The following SLC9A9 variants were observed in gnomAD, a reference collection of about 807,000 sequenced individuals.
SLC9A9 encodes solute carrier family 9 member A9.
SLC9A9 carries 62 observed loss-of-function variants against 77.8 expected under a neutral mutation model. That is an observed-to-expected ratio of 0.80 (90% CI 0.65 to 0.98). The LOEUF (loss-of-function observed/expected upper bound fraction) is 0.98. SLC9A9 is among the 50% of genes least tolerant of loss of function. The pLI, the probability that SLC9A9 is intolerant of heterozygous loss-of-function variation, is 0.00. For synonymous variants in SLC9A9, 320 were observed against 283.5 expected, an observed-to-expected ratio of 1.13 and a Z score of -1.29; for missense variants, 775 against 774.9, an observed-to-expected ratio of 1.00 and a Z score of 0.00.
chr3:143,482,789 CT>C (rs1330782231), intron 11 of SLC9A9, among the ~76,000 whole-genome samples: 1 of 152,250 alleles, frequency 6.6e-6, no homozygotes, highest in African/African-American at 2.4e-5. Flanking sequence ...AACAGGAAAG[CT>C]AATTTGTGCA....
chr3:143,590,116 C>T (rs962547658), intron 6 of SLC9A9, among the ~76,000 whole-genome samples: 2 of 152,090 alleles, frequency 1.3e-5, no homozygotes, highest in Admixed American at 6.5e-5. Context: ...GCATTCATAC[C>T]AACACCAACT....
chr3:143,289,644 G>A lies in SLC9A9; in HGVS notation c.1605-20664C>T, dbSNP rs574329759. Among the ~76,000 whole-genome samples, 3 of 152,152 alleles carry A rather than the reference G, an allele frequency of 2.0e-5. No homozygotes were observed. In the South Asian group the frequency reaches 6.2e-4, roughly 32 times the overall value. On this transcript the variant is annotated intron_variant, in intron 14 of 15. Transcript: ENST00000316549. ...TCAATAAGTTCTGTCTACTCCACCT[G>A]CCAAAGACCTCCCCTATCCATCTAC... is the stretch of plus-strand genomic sequence containing the variant.
chr3:143,335,214 C>A (rs905420928), intron 14 of SLC9A9, among the ~76,000 whole-genome samples: 1 of 152,004 alleles, frequency 6.6e-6, no homozygotes, highest in African/African-American at 2.4e-5. Flanking sequence ...CATAAAGAAT[C>A]AAATACTTAG....
At chr3:143,491,139 A>G (rs751342016) in intron 11 of SLC9A9, among the ~76,000 whole-genome samples, 5 of 152,194 alleles carry the variant, frequency 3.3e-5, no homozygotes, top group Non-Finnish European at 7.3e-5. Flanking sequence ...ATGGATGCTC[A>G]GTATGGAAAA....
chr3:143,717,329 G>A (rs775899477), intron 4 of SLC9A9, among the ~76,000 whole-genome samples: 1 of 152,164 alleles, frequency 6.6e-6, no homozygotes, highest in South Asian at 2.1e-4. Flanking sequence ...TAAGGTCAAG[G>A]TCATTTCCTA....
chr3:143,605,014 C>T (rs950613637), intron 6 of SLC9A9, among the ~76,000 whole-genome samples: 3 of 152,180 alleles, frequency 2.0e-5, no homozygotes, highest in Non-Finnish European at 4.4e-5. Flanking sequence ...AATGCACCAA[C>T]ATGAAGCAGA....
chr3:143,724,781 G>C (rs1200340899), intron 4 of SLC9A9, among the ~76,000 whole-genome samples: 1 of 152,208 alleles, frequency 6.6e-6, no homozygotes, highest in Non-Finnish European at 1.5e-5. Flanking sequence ...AGAGAAGTCA[G>C]ACATTTTACC....
chr3:143,547,896 C>A (rs565555218), intron 9 of SLC9A9, among the ~76,000 whole-genome samples: 26 of 152,196 alleles, frequency 1.7e-4, no homozygotes, highest in Non-Finnish European at 3.5e-4. Flanking sequence ...AGTTCCTCAA[C>A]TAGAAATTCT....
intron 9 of SLC9A9, among the ~76,000 whole-genome samples, chr3:143,535,827 T>C (rs2036581557): frequency 6.6e-6 from 1 of 152,202 alleles, no homozygotes; most frequent in Non-Finnish European, 1.5e-5. Flanking sequence ...TACACAGTCC[T>C]GAACATTATC....
chr3:143,326,392 C>T (rs867288106), intron 14 of SLC9A9, among the ~76,000 whole-genome samples: 1 of 152,176 alleles, frequency 6.6e-6, no homozygotes, highest in South Asian at 2.1e-4. Flanking sequence ...CTTAACTTTG[C>T]CTGCCGGCCC....
intron 6 of SLC9A9, among the ~76,000 whole-genome samples, chr3:143,649,235 G>A (rs996316011): frequency 7.9e-5 from 12 of 152,078 alleles, no homozygotes; most frequent in Non-Finnish European, 5.9e-5. Flanking sequence ...TCCTTCAATA[G>A]CCTATTAAAT....
At chr3:143,688,556 A>G (rs1476221671) in intron 5 of SLC9A9, among the ~76,000 whole-genome samples, 1 of 152,070 alleles carries the variant, frequency 6.6e-6, no homozygotes, top group African/African-American at 2.4e-5. Flanking sequence ...CTGAAAATTT[A>G]TACTCTTGAG....
intron 5 of SLC9A9, among the ~76,000 whole-genome samples, chr3:143,675,463 A>G (rs2108768609): frequency 6.6e-6 from 1 of 152,366 alleles, no homozygotes; most frequent in South Asian, 2.1e-4. Flanking sequence ...TCTAAATTCA[A>G]TTAACATGAG....
intron 14 of SLC9A9, among the ~76,000 whole-genome samples, chr3:143,361,398 G>T (rs1182333705): frequency 6.6e-6 from 1 of 152,110 alleles, no homozygotes; most frequent in Non-Finnish European, 1.5e-5. Context: ...CACTGGTGGT[G>T]GCTGGCATAG....
At chr3:143,620,725 T>G (rs1156260123) in intron 6 of SLC9A9, 1 of 152,674 alleles carries the variant, frequency 6.5e-6, no homozygotes, top group African/African-American at 2.4e-5. Flanking sequence ...CATTTCCAAC[T>G]GAGGTACTGG....
intron 4 of SLC9A9, among the ~76,000 whole-genome samples, chr3:143,735,613 GA>G: frequency 6.6e-6 from 1 of 152,322 alleles, no homozygotes; most frequent in Non-Finnish European, 1.5e-5. Flanking sequence ...AAGCTAGAAG[GA>G]AAATAGGATT....
intron 4 of SLC9A9, among the ~76,000 whole-genome samples, chr3:143,745,917 T>G (rs530538285): frequency 6.6e-6 from 1 of 152,314 alleles, no homozygotes; most frequent in South Asian, 2.1e-4. Flanking sequence ...AGGGGGATAC[T>G]GGAGCAGCAA....
At chr3:143,627,532 G>A (rs997915613) in intron 6 of SLC9A9, 6 of 296,864 alleles carry the variant, frequency 2.0e-5, no homozygotes, top group Admixed American at 3.6e-5. Context: ...CAGAGGCGGT[G>A]ACTCGCAGCA....
At chr3:143,446,400 G>A (rs560743873) in intron 12 of SLC9A9, among the ~76,000 whole-genome samples, 3 of 152,226 alleles carry the variant, frequency 2.0e-5, no homozygotes, top group South Asian at 2.1e-4. Flanking sequence ...AGAAGGCTGG[G>A]GAAGGGGTTA....
Sources: allele counts gnomAD v4.1 joint callset (sites outside exome capture counted in the v4.1 genomes callset), GRCh38; gene constraint gnomAD v4.1.1; transcripts MANE v1.5; gene names NCBI Gene and HGNC (gene_info 2026-07-23, HGNC 2026-07-21).